The following ZNF469 variants were observed in gnomAD, a reference collection of about 807,000 sequenced individuals.
The protein encoded by ZNF469 is zinc finger protein 469.
In ZNF469, 1 loss-of-function variant was observed where a neutral mutation model predicts 1.0. That is an observed-to-expected ratio of 1.00 (90% CI 0.35 to 4.73). ZNF469 has a LOEUF of 4.73. Ranked by LOEUF, ZNF469 falls within the 30% of genes most tolerant of loss-of-function variation. The probability of loss-of-function intolerance (pLI) is 0.16; values close to 1 mark genes in which losing one functional copy is unlikely to be tolerated. For missense variants in ZNF469, 6,100 were observed against 5,356.3 expected (o/e 1.14, Z -4.33); for synonymous variants, 2,703 against 2,363.4 (o/e 1.14, Z -4.17).
chr16:88,278,576 A>G, the ZNF469 span, among the ~76,000 whole-genome samples: 16 of 119,240 alleles, frequency 1.3e-4, 1 homozygote, highest in African/African-American at 4.7e-4. Flanking sequence ...AGTACCATGT[A>G]GATATCATTA....
Position 88,433,637 on chromosome 16 carries a change from C to T in ZNF469, c.6167C>T (p.Pro2056Leu), listed in dbSNP as rs1043019936. Residue 2056 changes from proline to leucine, a missense_variant, in exon 3 of 3, where the codon CCA (proline) becomes CTA (leucine). Transcript: ENST00000565624. The stretch of plus-strand genomic sequence containing the variant: ...CTTCAGGAGGAGGCCGAGCCCACCC[C>T]AAGCCCCCCGTCCCCTAATAGGGAG... The part of the protein sequence containing the change: ...MSLQEEAEPT[P>L]SPPSPNRESL... The T allele has an allele frequency of 6.5e-7, 1 of 1,550,158 alleles. No homozygotes were observed. The highest frequency in any genetic ancestry group is 1.4e-5 in the African/African-American group (1 of 73,048).
chr16:88,262,630 G>A, the ZNF469 span, among the ~76,000 whole-genome samples: 2 of 152,156 alleles, frequency 1.3e-5, no homozygotes, highest in African/African-American at 2.4e-5. The surrounding 1 kb of genome is among the most constrained non-coding windows in gnomAD (Gnocchi z 4.3). Context: ...GGGGGGCAGA[G>A]GCTCCCTATT....
chr16:88,216,184 A>G, the ZNF469 span, among the ~76,000 whole-genome samples: 1 of 152,138 alleles, frequency 6.6e-6, no homozygotes, highest in African/African-American at 2.4e-5. Context: ...GGCAGATACC[A>G]TCTTTCAGCA....
the ZNF469 span, among the ~76,000 whole-genome samples, chr16:88,211,090 T>C: frequency 2.0e-5 from 3 of 152,270 alleles, no homozygotes; most frequent in East Asian, 3.8e-4. Context: ...AGGAGTATTT[T>C]AATGTTTTCC....
chr16:88,126,724 G>C, the ZNF469 span, among the ~76,000 whole-genome samples: 5 of 152,052 alleles, frequency 3.3e-5, no homozygotes, highest in East Asian at 9.7e-4. Context: ...CTCGATCTCG[G>C]CTCACTGCAA....
At position 88,430,537 on chromosome 16, in the gene ZNF469, C is replaced by A. The variant is rs761910925; in HGVS notation, c.3067C>A (p.Arg1023Ser). Residue 1023 changes from arginine (R) to serine (S), a missense_variant, in exon 3 of 3, where the codon CGC becomes AGC. By Grantham distance (110) the Arg-to-Ser change is moderately radical. Coordinates refer to ENST00000565624, the MANE Select transcript of ZNF469 (RefSeq NM_001367624.2). ...AGCCGCCGCCCTCCCCGAGGAGACC[C>A]GCAGCTCCCGGCGCCGCCGGCTGCC... is the stretch of plus-strand genomic sequence containing the variant. ...PRAAALPEET[R>S]SSRRRRLPPR... 15 of 1,465,390 alleles carry A rather than the reference C, an allele frequency of 1.0e-5. No individual in the cohort carries two copies. The South Asian group carries it at 1.6e-4, about 16-fold the overall frequency. The allele number at this position is 1,465,390 out of a possible 1,614,324, so 90.8% of individuals were successfully genotyped here.
chr16:88,315,573 G>C, the ZNF469 span, among the ~76,000 whole-genome samples: 2 of 152,190 alleles, frequency 1.3e-5, no homozygotes, highest in Admixed American at 6.5e-5. Context: ...GCAGAGGAGG[G>C]AGCAGGGCCC....
chr16:88,116,147 C>T, the ZNF469 span, among the ~76,000 whole-genome samples: 8 of 152,172 alleles, frequency 5.3e-5, no homozygotes, highest in East Asian at 1.9e-4. Flanking sequence ...AAAAACAAGC[C>T]GATGTGAGAA....
At chr16:88,356,696 C>A in the ZNF469 span, among the ~76,000 whole-genome samples, 1 of 152,218 alleles carries the variant, frequency 6.6e-6, no homozygotes, top group East Asian at 1.9e-4. Flanking sequence ...CGGAGAAAAC[C>A]TCCAGCCAGG....
the ZNF469 span, among the ~76,000 whole-genome samples, chr16:88,265,977 C>G: frequency 6.6e-6 from 1 of 152,224 alleles, no homozygotes. Context: ...TTGCACATGA[C>G]GGGCCCTGAG....
chr16:88,306,523 G>A, the ZNF469 span, among the ~76,000 whole-genome samples: 2 of 152,326 alleles, frequency 1.3e-5, no homozygotes, highest in East Asian at 1.9e-4. Flanking sequence ...AGGAAGATGC[G>A]GGATGTCACC....
At chr16:88,227,445 TC>T in the ZNF469 span, among the ~76,000 whole-genome samples, 1 of 151,282 alleles carries the variant, frequency 6.6e-6, no homozygotes, top group Non-Finnish European at 1.5e-5. Context: ...CGGCCTCCAG[TC>T]CCTCCCTCAG....
At chr16:88,259,415 G>C in the ZNF469 span, among the ~76,000 whole-genome samples, 1 of 152,180 alleles carries the variant, frequency 6.6e-6, no homozygotes, top group Non-Finnish European at 1.5e-5. The surrounding 1 kb of genome is among the most constrained non-coding windows in gnomAD (Gnocchi z 4.1). Context: ...GGCTGCTCAG[G>C]AAAAACAACA....
chr16:88,409,136 C>T (rs536128674), intron 1 of ZNF469, among the ~76,000 whole-genome samples: 10 of 152,298 alleles, frequency 6.6e-5, no homozygotes, highest in African/African-American at 2.2e-4. Flanking sequence ...CCCGGGAGTG[C>T]GGCCTGGAGT....
At chr16:88,409,058 GCTGGGC>G (rs1348620673) in intron 1 of ZNF469, among the ~76,000 whole-genome samples, 10 of 152,240 alleles carry the variant, frequency 6.6e-5, no homozygotes, top group African/African-American at 2.4e-4. Flanking sequence ...TGGGGCTGGG[GCTGGGC>G]CTGCAAGGAA....
chr16:88,380,261 G>A (rs1162173445), upstream of ZNF469, among the ~76,000 whole-genome samples: 33 of 108,574 alleles, frequency 3.0e-4, no homozygotes, highest in Admixed American at 1.8e-3. Flanking sequence ...ACTCACACAC[G>A]TGCACTCACA....
At position 88,414,278 on chromosome 16, in the gene ZNF469, G is replaced by A. The variant is rs550561560; in HGVS notation, c.-191-10529G>A. On this transcript the variant is annotated intron_variant, in intron 1 of 2. Transcript: ENST00000565624. ...GGACACGGCCACAGATCACGGCCAC[G>A]GATCCCATCACGCCCGGGCTTCAGT... Among the ~76,000 whole-genome samples, 9 of 152,330 alleles carry A rather than the reference G, an allele frequency of 5.9e-5. No individual in the cohort carries two copies. The South Asian group carries it at 6.2e-4, about 11-fold the overall frequency.
At chr16:88,222,544 G>T in the ZNF469 span, among the ~76,000 whole-genome samples, 2 of 152,302 alleles carry the variant, frequency 1.3e-5, no homozygotes, top group African/African-American at 2.4e-5. Flanking sequence ...GATCGCCTGA[G>T]GTTGGGAGTT....
At chr16:88,312,730 G>C in the ZNF469 span, among the ~76,000 whole-genome samples, 1 of 152,212 alleles carries the variant, frequency 6.6e-6, no homozygotes, top group Non-Finnish European at 1.5e-5. Flanking sequence ...GGGTGAGCCA[G>C]CTGTGCCAAG....
Sources: allele counts gnomAD v4.1 joint callset (sites outside exome capture counted in the v4.1 genomes callset), GRCh38; gene constraint gnomAD v4.1.1; non-coding constraint Gnocchi (gnomAD v3.1); transcripts MANE v1.5; gene names NCBI Gene and HGNC (gene_info 2026-07-23, HGNC 2026-07-21).